Variants in MAP2K1 observed in about 807,000 individuals in gnomAD.
MAP2K1 encodes the protein dual specificity mitogen-activated protein kinase kinase 1.
In MAP2K1, 16 loss-of-function variants were observed where a neutral mutation model predicts 46.3. That is an observed-to-expected ratio of 0.35 (90% CI 0.23 to 0.52). MAP2K1 has a LOEUF of 0.52. MAP2K1 is among the 20% of genes least tolerant of loss of function. The probability of loss-of-function intolerance (pLI) is 0.94; values close to 1 mark genes in which losing one functional copy is unlikely to be tolerated. For missense variants in MAP2K1, 263 were observed against 497.1 expected, an observed-to-expected ratio of 0.53 and a Z score of 4.48; for synonymous variants, 183 against 185.6, an observed-to-expected ratio of 0.99 and a Z score of 0.11.
chr15:66,485,613 C>CT, intron 7 of MAP2K1, among the ~76,000 whole-genome samples: 1 of 152,000 alleles, frequency 6.6e-6, no homozygotes, highest in East Asian at 1.9e-4. Context: ...GGGGCTCACT[C>CT]TGTCACCCAG....
chr15:66,490,144 AT>A, intron 10 of MAP2K1: 1 of 510,046 alleles, frequency 2.0e-6, no homozygotes, highest in Non-Finnish European at 3.6e-6. Flanking sequence ...TAGCTAAGTA[AT>A]ACTGTAAATA....
intron 1 of MAP2K1, among the ~76,000 whole-genome samples, chr15:66,411,971 G>C (rs2093412412): frequency 6.6e-6 from 1 of 152,182 alleles, no homozygotes; most frequent in South Asian, 2.1e-4. Flanking sequence ...GAGGGCTCCA[G>C]ACCCTCTGAC....
At chr15:66,412,755 C>A (rs2093414473) in intron 1 of MAP2K1, among the ~76,000 whole-genome samples, 1 of 152,134 alleles carries the variant, frequency 6.6e-6, no homozygotes, top group African/African-American at 2.4e-5. Flanking sequence ...TTCACAGGTG[C>A]AGTCATAGTG....
intron 1 of MAP2K1, among the ~76,000 whole-genome samples, chr15:66,426,020 A>G (rs1451892596): frequency 1.3e-5 from 2 of 152,182 alleles, no homozygotes; most frequent in East Asian, 3.8e-4. Flanking sequence ...TCAATATTAC[A>G]TGTACAAAAG....
At chr15:66,396,065 GGCGCGATCTC>G (rs2093366796) in intron 1 of MAP2K1, among the ~76,000 whole-genome samples, 2 of 151,858 alleles carry the variant, frequency 1.3e-5, no homozygotes, top group South Asian at 4.2e-4. Context: ...GGAGTGCAGT[GGCGCGATCTC>G]GCCTCAGTGC....
intron 1 of MAP2K1, among the ~76,000 whole-genome samples, chr15:66,394,083 A>G (rs2093362394): frequency 6.6e-6 from 1 of 152,196 alleles, no homozygotes; most frequent in Non-Finnish European, 1.5e-5. Context: ...ATTCTGGCAC[A>G]TAGAAAATAC....
At chr15:66,458,897 C>T (rs1489549178) in intron 5 of MAP2K1, among the ~76,000 whole-genome samples, 7 of 152,106 alleles carry the variant, frequency 4.6e-5, no homozygotes, top group Non-Finnish European at 1.5e-5. Context: ...GCTTATTATA[C>T]CTTGGGGCCA....
rs187911966 is a variant in MAP2K1 at position 66,428,227 on chromosome 15, C to T, written c.81-6800C>T. On this transcript the variant is annotated intron_variant, in intron 1 of 10. Coordinates refer to ENST00000307102, the MANE Select transcript of MAP2K1 (RefSeq NM_002755.4). ...AGCACCCAGGAATTCCCCTCCTTCC[C>T]TATATTAGGGTTCACCAGAGAAACA... Among the ~76,000 whole-genome samples the T allele has an allele frequency of 9.5e-3, 1,439 of 151,520 alleles. 13 individuals are homozygous for T. The highest frequency in any genetic ancestry group is 0.017 in the Middle Eastern group (5 of 294).
At chr15:66,438,148 G>A (rs1322341889) in intron 3 of MAP2K1, among the ~76,000 whole-genome samples, 3 of 150,448 alleles carry the variant, frequency 2.0e-5, no homozygotes, top group East Asian at 2.0e-4. Flanking sequence ...GTGCAGTGGC[G>A]CGATGTCGGC....
intron 1 of MAP2K1, among the ~76,000 whole-genome samples, chr15:66,416,198 T>C (rs2093424161): frequency 6.6e-6 from 1 of 152,226 alleles, no homozygotes; most frequent in Non-Finnish European, 1.5e-5. Flanking sequence ...TTTTTCTGTA[T>C]GTTCCCATAG....
intron 3 of MAP2K1, among the ~76,000 whole-genome samples, chr15:66,439,308 T>G (rs371797387): frequency 2.0e-5 from 3 of 152,216 alleles, no homozygotes; most frequent in South Asian, 2.1e-4. Flanking sequence ...TTTTGTGTCA[T>G]GAATATTATT....
chr15:66,401,916 C>T (rs368696830), intron 1 of MAP2K1: 37 of 1,200,614 alleles, frequency 3.1e-5, no homozygotes, highest in East Asian at 1.1e-4. Flanking sequence ...ACGGGTGCAT[C>T]GGTTCGGGTC....
chr15:66,438,874 C>T (rs904433753), intron 3 of MAP2K1, among the ~76,000 whole-genome samples: 1 of 152,118 alleles, frequency 6.6e-6, no homozygotes, highest in Non-Finnish European at 1.5e-5. Context: ...GAGGGTTAGG[C>T]CTTGGAGCCT....
At chr15:66,428,347 A>G (rs2093465434) in intron 1 of MAP2K1, among the ~76,000 whole-genome samples, 1 of 144,174 alleles carries the variant, frequency 6.9e-6, no homozygotes, top group Non-Finnish European at 1.5e-5. Context: ...ATTGATGTTT[A>G]TTTTAGGGAA....
chr15:66,438,350 G>GT (rs2093494416), intron 3 of MAP2K1, among the ~76,000 whole-genome samples: 1 of 152,098 alleles, frequency 6.6e-6, no homozygotes, highest in African/African-American at 2.4e-5. Context: ...GCCTCCCAAA[G>GT]TGCTGGGATT....
intron 5 of MAP2K1, among the ~76,000 whole-genome samples, chr15:66,468,643 T>A (rs946831655): frequency 2.6e-5 from 4 of 151,964 alleles, no homozygotes; most frequent in Non-Finnish European, 5.9e-5. Context: ...TAAAAAAAAT[T>A]TTTTTTTGGC....
intron 6 of MAP2K1, 131 bp downstream of exon 6, chr15:66,482,010 T>C (rs1260587513): frequency 8.7e-7 from 1 of 1,152,832 alleles, no homozygotes; most frequent in Non-Finnish European, 1.3e-6. Context: ...GGCACAGTGC[T>C]CTGCCCTGAG....
chr15:66,403,975 C>T (rs1233400071), intron 1 of MAP2K1, among the ~76,000 whole-genome samples: 1 of 152,162 alleles, frequency 6.6e-6, no homozygotes, highest in African/African-American at 2.4e-5. Flanking sequence ...TAATGGTTTA[C>T]TCAAATCCAG....
intron 5 of MAP2K1, among the ~76,000 whole-genome samples, chr15:66,456,466 T>A (rs1414744126): frequency 6.6e-6 from 1 of 152,138 alleles, no homozygotes; most frequent in East Asian, 1.9e-4. Context: ...GAATATGAGG[T>A]TGAAATGATG....
Sources: allele counts gnomAD v4.1 joint callset (sites outside exome capture counted in the v4.1 genomes callset), GRCh38; gene constraint gnomAD v4.1.1; transcripts MANE v1.5; gene names NCBI Gene and HGNC (gene_info 2026-07-23, HGNC 2026-07-21).